Variants in GRIK1 observed in about 807,000 individuals in gnomAD.
GRIK1 encodes glutamate ionotropic receptor kainate type subunit 1.
A neutral mutation model predicts 105.7 loss-of-function variants in GRIK1; 69 were observed. The observed-to-expected ratio is 0.65, with a 90% CI of 0.54 to 0.80. The LOEUF (loss-of-function observed/expected upper bound fraction) is 0.80. Ranked by LOEUF, GRIK1 falls within the 30% of genes least tolerant of loss-of-function variation. GRIK1 has a pLI of 0.00. For missense variants in GRIK1, 1,109 were observed against 1,167.3 expected, an observed-to-expected ratio of 0.95 and a Z score of 0.73; for synonymous variants, 438 against 431.3, an observed-to-expected ratio of 1.02 and a Z score of -0.19.
At chr21:29,668,809 G>C (rs929182486) in intron 4 of GRIK1, among the ~76,000 whole-genome samples, 2 of 152,188 alleles carry the variant, frequency 1.3e-5, no homozygotes, top group Non-Finnish European at 2.9e-5. Flanking sequence ...GTATGAATGA[G>C]GGTGTATATG....
rs1206463382 is a variant in GRIK1, at chr21:29,694,032, A to G, written c.150T>C (p.Pro50=). The part of the protein sequence containing the change: ...GGIFETVENE[P]VNVEELAFKF... ...TGAAAGCTAATTCTTCAACATTAAC[A>G]GGCTCATTTTCCACTGTTTCAAAAA... is the stretch of plus-strand genomic sequence containing the variant. Residue 50 remains proline, a synonymous_variant, in exon 2 of 18, where the codon CCT becomes CCC. Transcript: ENST00000327783. 1 of 1,613,374 alleles carries G rather than the reference A, an allele frequency of 6.2e-7. No homozygotes were observed. Among genetic ancestry groups the G allele is most frequent in the Non-Finnish European group, 8.5e-7 (1 of 1,179,408 alleles).
At chr21:29,932,068 T>G (rs1314373242) in intron 1 of GRIK1, among the ~76,000 whole-genome samples, 1 of 152,172 alleles carries the variant, frequency 6.6e-6, no homozygotes, top group Non-Finnish European at 1.5e-5. Context: ...CTTGAAACAT[T>G]AATAAGTAGA....
At chr21:29,650,906 G>A (rs363522) in intron 6 of GRIK1, among the ~76,000 whole-genome samples, 26,839 of 152,022 alleles carry the variant, frequency 0.18, 2,790 homozygotes, top group African/African-American at 0.28. Context: ...TTTTTATCTG[G>A]GGCAAGTACA....
At chr21:29,646,224 G>A (rs188315881) in intron 6 of GRIK1, among the ~76,000 whole-genome samples, 86 of 152,304 alleles carry the variant, frequency 5.6e-4, no homozygotes, top group Non-Finnish European at 5.1e-4. Context: ...AAGGCCAGCT[G>A]TATGGGAGCT....
chr21:29,554,972 C>A, intron 16 of GRIK1, 80 bp downstream of exon 16: 2 of 1,223,614 alleles, frequency 1.6e-6, no homozygotes, highest in Non-Finnish European at 2.3e-6. Flanking sequence ...TGAAAAAGAG[C>A]AAACATCCTT....
chr21:29,731,742 T>C (rs1364101615), intron 1 of GRIK1, among the ~76,000 whole-genome samples: 1 of 152,212 alleles, frequency 6.6e-6, no homozygotes, highest in Non-Finnish European at 1.5e-5. Flanking sequence ...ATGTGGATGC[T>C]CTACCGCTAG....
At chr21:29,698,839 G>A (rs1387274747) in intron 1 of GRIK1, among the ~76,000 whole-genome samples, 1 of 152,180 alleles carries the variant, frequency 6.6e-6, no homozygotes, top group Non-Finnish European at 1.5e-5. Flanking sequence ...TTTGAGTAAT[G>A]AGTCTGTCTT....
chr21:29,765,521 A>G (rs747890264), intron 1 of GRIK1, among the ~76,000 whole-genome samples: 50 of 151,816 alleles, frequency 3.3e-4, no homozygotes, highest in Non-Finnish European at 6.3e-4. Context: ...TCAACTGCAA[A>G]CTCTGTAAAA....
intron 1 of GRIK1, among the ~76,000 whole-genome samples, chr21:29,896,738 A>G (rs1292182453): frequency 6.6e-6 from 1 of 152,190 alleles, no homozygotes; most frequent in East Asian, 1.9e-4. Context: ...TGAACTGACC[A>G]ATTCTATGTA....
At chr21:29,670,875 C>T (rs2063148607) in intron 4 of GRIK1, among the ~76,000 whole-genome samples, 1 of 152,320 alleles carries the variant, frequency 6.6e-6, no homozygotes, top group African/African-American at 2.4e-5. Context: ...GACACTACTG[C>T]CACATGCTTA....
chr21:29,835,966 T>A (rs1408480232), intron 1 of GRIK1, among the ~76,000 whole-genome samples: 1 of 151,650 alleles, frequency 6.6e-6, no homozygotes, highest in African/African-American at 2.4e-5. Context: ...CCTTTCTGAC[T>A]TGATGGCAAT....
At chr21:29,560,556 C>T (rs2090445061) in intron 15 of GRIK1, among the ~76,000 whole-genome samples, 1 of 95,252 alleles carries the variant, frequency 1.0e-5, no homozygotes, top group Non-Finnish European at 2.0e-5. Context: ...TTCTTTCTTT[C>T]TTTCTTTCTT....
In GRIK1 at chr21:29,905,170, G is replaced by C. The variant is rs13048128; in HGVS notation, c.118+34213C>G. 5.0e-3 allele frequency among the ~76,000 whole-genome samples: 762 copies of C among 152,266 alleles called. 4 individuals carry two copies. Among genetic ancestry groups the C allele is most frequent in the Non-Finnish European group, 7.7e-3 (523 of 68,010 alleles). On this transcript the variant is annotated intron_variant, in intron 1 of 17. Transcript: ENST00000327783. The stretch of plus-strand genomic sequence containing the variant: ...TTAGAAACATGATTATTTGCTGACT[G>C]AGTGGGGCCAAATTTTGGCTCCTTC...
intron 1 of GRIK1, among the ~76,000 whole-genome samples, chr21:29,801,681 G>A (rs1042428205): frequency 3.9e-5 from 6 of 152,036 alleles, no homozygotes; most frequent in African/African-American, 7.2e-5. Context: ...TTTCACATAC[G>A]CAGATATTGA....
intron 1 of GRIK1, among the ~76,000 whole-genome samples, chr21:29,763,078 C>T (rs890118111): frequency 6.6e-6 from 1 of 152,136 alleles, no homozygotes; most frequent in Non-Finnish European, 1.5e-5. Context: ...GACTCTGTGT[C>T]CCCACCTAAA....
chr21:29,813,882 T>G (rs2067078208), intron 1 of GRIK1, among the ~76,000 whole-genome samples: 1 of 150,434 alleles, frequency 6.6e-6, no homozygotes, highest in African/African-American at 2.4e-5. Flanking sequence ...TACTAAACAC[T>G]GAGGCCACGG....
At chr21:29,774,717 T>C (rs1404111694) in intron 1 of GRIK1, among the ~76,000 whole-genome samples, 2 of 152,142 alleles carry the variant, frequency 1.3e-5, no homozygotes, top group East Asian at 1.9e-4. Flanking sequence ...CACAAAGTGT[T>C]GGGATTACAG....
intron 1 of GRIK1, among the ~76,000 whole-genome samples, chr21:29,715,931 C>T (rs2064166769): frequency 2.0e-5 from 3 of 152,002 alleles, no homozygotes; most frequent in Admixed American, 1.3e-4. Flanking sequence ...CATATCTCAT[C>T]ATGAATTGTA....
chr21:29,750,018 A>G (rs1412794142), intron 1 of GRIK1, among the ~76,000 whole-genome samples: 2 of 152,090 alleles, frequency 1.3e-5, no homozygotes, highest in African/African-American at 4.8e-5. Flanking sequence ...TAGTTGTTAT[A>G]GAAGAGTATT....
Sources: allele counts gnomAD v4.1 joint callset (sites outside exome capture counted in the v4.1 genomes callset), GRCh38; gene constraint gnomAD v4.1.1; transcripts MANE v1.5; gene names NCBI Gene and HGNC (gene_info 2026-07-23, HGNC 2026-07-21).